PRKCE: variants seen among roughly 807,000 people sequenced by gnomAD.
PRKCE encodes the protein protein kinase C epsilon type.
A neutral mutation model predicts 85.4 loss-of-function variants in PRKCE; 16 were observed. The observed-to-expected ratio is 0.19, with a 90% CI of 0.13 to 0.28. PRKCE has a LOEUF of 0.28. Ranked by LOEUF, PRKCE falls within the 10% of genes least tolerant of loss-of-function variation. The probability of loss-of-function intolerance (pLI) is 1.00; values close to 1 mark genes in which losing one functional copy is unlikely to be tolerated. For synonymous variants in PRKCE, 388 were observed against 371.5 expected, an observed-to-expected ratio of 1.04 and a Z score of -0.51; for missense variants, 573 against 975.2, an observed-to-expected ratio of 0.59 and a Z score of 5.49.
intron 10 of PRKCE, among the ~76,000 whole-genome samples, chr2:46,011,996 A>G (rs1001512576): frequency 6.6e-6 from 1 of 152,210 alleles, no homozygotes; most frequent in African/African-American, 2.4e-5. Context: ...CTTTTTCTGC[A>G]CAAGTATAAG....
intron 2 of PRKCE, among the ~76,000 whole-genome samples, chr2:45,869,625 C>G (rs941275445): frequency 6.6e-6 from 1 of 151,832 alleles, no homozygotes; most frequent in Non-Finnish European, 1.5e-5. Flanking sequence ...ACCTAGTAAG[C>G]TGGCTTCAAA....
intron 1 of PRKCE, among the ~76,000 whole-genome samples, chr2:45,803,668 T>C (rs1479262578): frequency 2.0e-5 from 3 of 152,232 alleles, no homozygotes; most frequent in African/African-American, 7.2e-5. Flanking sequence ...AGTCAAGGAC[T>C]TCTTACCATC....
chr2:45,842,714 ACTCT>A (rs148614411), intron 1 of PRKCE, among the ~76,000 whole-genome samples: 3 of 151,836 alleles, frequency 2.0e-5, no homozygotes, highest in African/African-American at 7.3e-5. Flanking sequence ...CAGAAGCAGC[ACTCT>A]CTCTCTCTCC....
chr2:45,686,112 T>G (rs2103994405), intron 1 of PRKCE, among the ~76,000 whole-genome samples: 1 of 152,154 alleles, frequency 6.6e-6, no homozygotes, highest in South Asian at 2.1e-4. Context: ...GCCTGGCAAG[T>G]TTTAAAGGGA....
intron 1 of PRKCE, among the ~76,000 whole-genome samples, chr2:45,756,900 T>C (rs939132352): frequency 2.0e-5 from 3 of 152,198 alleles, no homozygotes; most frequent in Admixed American, 6.5e-5. Context: ...ATCTTGATTA[T>C]GTGATGGTTT....
chr2:46,087,840 T>G (rs1042439806), intron 11 of PRKCE, among the ~76,000 whole-genome samples: 2 of 152,188 alleles, frequency 1.3e-5, no homozygotes, highest in African/African-American at 4.8e-5. Flanking sequence ...TGGGTAGAAT[T>G]TTTTTCCTTG....
intron 2 of PRKCE, among the ~76,000 whole-genome samples, chr2:45,932,384 C>T (rs1304172880): frequency 2.0e-5 from 3 of 152,154 alleles, no homozygotes; most frequent in Admixed American, 1.3e-4. Context: ...TAGTTCATGT[C>T]TTCTGGTGAA....
At chr2:45,696,104 A>G (rs1430633456) in intron 1 of PRKCE, among the ~76,000 whole-genome samples, 2 of 78,908 alleles carry the variant, frequency 2.5e-5, no homozygotes, top group Non-Finnish European at 4.6e-5. Flanking sequence ...CCACCCCACA[A>G]CAGTCCCCAG....
intron 10 of PRKCE, among the ~76,000 whole-genome samples, chr2:46,073,255 G>C (rs1400220344): frequency 6.6e-6 from 1 of 152,196 alleles, no homozygotes; most frequent in Non-Finnish European, 1.5e-5. Context: ...CAGAGGATTG[G>C]AGTTACTAGA....
At chr2:45,965,151 C>A (rs192428423) in intron 2 of PRKCE, among the ~76,000 whole-genome samples, 2 of 152,198 alleles carry the variant, frequency 1.3e-5, no homozygotes, top group African/African-American at 2.4e-5. Context: ...ATCGAATAAT[C>A]TCTCTGAGGG....
intron 1 of PRKCE, among the ~76,000 whole-genome samples, chr2:45,793,717 T>C (rs1687202041): frequency 6.6e-6 from 1 of 152,180 alleles, no homozygotes; most frequent in African/African-American, 2.4e-5. Context: ...ATCGAGGCCA[T>C]CAGGAACCAT....
intron 10 of PRKCE, among the ~76,000 whole-genome samples, chr2:46,029,958 A>G (rs1340167173): frequency 1.3e-5 from 2 of 152,110 alleles, no homozygotes; most frequent in Non-Finnish European, 2.9e-5. Flanking sequence ...CCTTTCTTCT[A>G]AATACCCTCT....
intron 2 of PRKCE, among the ~76,000 whole-genome samples, chr2:45,891,642 C>G (rs1201855513): frequency 6.6e-6 from 1 of 152,174 alleles, no homozygotes; most frequent in East Asian, 1.9e-4. Context: ...GGGGCTCTGC[C>G]TTCCATCAAC....
intron 10 of PRKCE, among the ~76,000 whole-genome samples, chr2:46,022,483 G>A (rs1344024338): frequency 1.3e-5 from 2 of 152,142 alleles, no homozygotes; most frequent in African/African-American, 4.8e-5. Context: ...GTCACATGGG[G>A]CCTTTCGTAG....
intron 1 of PRKCE, among the ~76,000 whole-genome samples, chr2:45,805,418 A>C (rs1688169515): frequency 6.6e-6 from 1 of 152,118 alleles, no homozygotes; most frequent in Non-Finnish European, 1.5e-5. Flanking sequence ...TCGTGCCCAC[A>C]CACAAAGGAT....
intron 10 of PRKCE, among the ~76,000 whole-genome samples, chr2:46,047,658 A>T (rs867707268): frequency 6.6e-6 from 1 of 152,226 alleles, no homozygotes; most frequent in Non-Finnish European, 1.5e-5. Context: ...ACTCTGGACA[A>T]TGTCATTTGT....
At chr2:46,113,036 T>A (rs1046297350) in intron 11 of PRKCE, among the ~76,000 whole-genome samples, 12 of 152,222 alleles carry the variant, frequency 7.9e-5, no homozygotes, top group Non-Finnish European at 4.4e-5. Context: ...GGACAATGCA[T>A]CAAAGTACTT....
intron 1 of PRKCE, among the ~76,000 whole-genome samples, chr2:45,750,940 C>T (rs892924056): frequency 2.6e-5 from 4 of 152,148 alleles, no homozygotes; most frequent in East Asian, 1.9e-4. Context: ...GTCACTATCA[C>T]GCACTCTTCA....
intron 6 of PRKCE, among the ~76,000 whole-genome samples, chr2:45,994,616 C>T (rs12622193): frequency 2.6e-5 from 4 of 152,124 alleles, no homozygotes; most frequent in Non-Finnish European, 5.9e-5. Flanking sequence ...TTCACAGTTG[C>T]TAACTCACTT....
Sources: gnomAD v4.1 joint callset for allele counts (sites outside exome capture counted in the v4.1 genomes callset) on GRCh38, gnomAD v4.1.1 for gene constraint, MANE v1.5 for transcripts, NCBI Gene and HGNC (gene_info 2026-07-23, HGNC 2026-07-21) for gene names.